The following SOX6 variants were observed in gnomAD, a reference collection of about 807,000 sequenced individuals.
SOX6 encodes the protein SRY-box transcription factor 6.
Under a neutral mutation model 97.8 loss-of-function variants are expected in SOX6, and 11 were observed. The ratio of observed to expected loss-of-function variants is 0.11; its 90% CI spans 0.07 to 0.19. SOX6 has a LOEUF of 0.19. Among genes scored for constraint, SOX6 ranks in the 10% least tolerant of loss-of-function variants. The probability of loss-of-function intolerance (pLI) is 1.00; values close to 1 mark genes in which losing one functional copy is unlikely to be tolerated. For missense variants in SOX6, 810 were observed against 1,039.5 expected (o/e 0.78, Z 3.04); for synonymous variants, 360 against 371.4 (o/e 0.97, Z 0.35).
chr11:16,193,074 A>G (rs1851672413), intron 4 of SOX6, among the ~76,000 whole-genome samples: 1 of 152,258 alleles, frequency 6.6e-6, no homozygotes, highest in South Asian at 2.1e-4. Context: ...TGTGATGACA[A>G]CTAAGTTTTT....
At chr11:16,552,851 A>G (rs1847704577) in intron 4 of SOX6, among the ~76,000 whole-genome samples, 1 of 152,202 alleles carries the variant, frequency 6.6e-6, no homozygotes, top group African/African-American at 2.4e-5. Context: ...AGTAAGTTTG[A>G]TTTGGTAAAT....
chr11:16,397,561 T>C (rs1858396756), intron 1 of SOX6: 1 of 152,012 alleles, frequency 6.6e-6, no homozygotes, highest in Non-Finnish European at 1.5e-5. Context: ...GGATTAATAA[T>C]CAACTTTCTA....
intron 4 of SOX6, among the ~76,000 whole-genome samples, chr11:16,597,546 T>C (rs2133975802): frequency 6.6e-6 from 1 of 152,060 alleles, no homozygotes; most frequent in East Asian, 1.9e-4. Context: ...AGTTTAATTT[T>C]GGTCTTCACA....
At chr11:16,484,863 T>A (rs1204591721) in intron 4 of SOX6, among the ~76,000 whole-genome samples, 2 of 152,210 alleles carry the variant, frequency 1.3e-5, no homozygotes, top group Admixed American at 1.3e-4. Flanking sequence ...TAGCTGATTA[T>A]ACAATCACCT....
chr11:15,990,317 A>G (rs1854008755), intron 13 of SOX6, among the ~76,000 whole-genome samples: 1 of 152,024 alleles, frequency 6.6e-6, no homozygotes, highest in South Asian at 2.1e-4. Flanking sequence ...ATAGACTAAG[A>G]GGCATTTATT....
At chr11:16,212,482 G>A (rs1457748195) in intron 4 of SOX6, among the ~76,000 whole-genome samples, 4 of 151,104 alleles carry the variant, frequency 2.6e-5, no homozygotes, top group Admixed American at 6.6e-5. Context: ...AAATTCACAC[G>A]TTGATATGCA....
chr11:16,712,387 T>C (rs1287764629), intron 3 of SOX6, among the ~76,000 whole-genome samples: 1 of 152,208 alleles, frequency 6.6e-6, no homozygotes, highest in Non-Finnish European at 1.5e-5. Context: ...GTGTTCCCTG[T>C]TCGCCACATC....
intron 4 of SOX6, among the ~76,000 whole-genome samples, chr11:16,498,009 T>C (rs962636594): frequency 9.2e-5 from 14 of 152,068 alleles, no homozygotes; most frequent in Non-Finnish European, 1.9e-4. Flanking sequence ...CCAAGACACA[T>C]AACTGTCAGA....
upstream of SOX6, among the ~76,000 whole-genome samples, chr11:16,479,824 T>C (rs1157455943): frequency 1.3e-5 from 2 of 152,094 alleles, no homozygotes; most frequent in Non-Finnish European, 2.9e-5. Flanking sequence ...ACTTTTACTG[T>C]CTATATCCTT....
chr11:16,092,552 T>A (rs753718262), intron 9 of SOX6, among the ~76,000 whole-genome samples: 49 of 152,026 alleles, frequency 3.2e-4, no homozygotes, highest in Non-Finnish European at 5.0e-4. Context: ...ACAAAATAAA[T>A]GGATTAAAAT....
intron 12 of SOX6, among the ~76,000 whole-genome samples, chr11:16,035,499 C>G (rs183714152): frequency 6.6e-6 from 1 of 152,110 alleles, no homozygotes; most frequent in African/African-American, 2.4e-5. Flanking sequence ...AAAACTGCCA[C>G]GAGCAAAGAA....
chr11:16,370,575 T>G (rs1315581211), intron 1 of SOX6, among the ~76,000 whole-genome samples: 1 of 152,088 alleles, frequency 6.6e-6, no homozygotes, highest in Non-Finnish European at 1.5e-5. Flanking sequence ...AGAGTTTATC[T>G]CCAACCCACT....
chr11:16,502,063 T>A (rs1192725423), intron 4 of SOX6, among the ~76,000 whole-genome samples: 2 of 152,220 alleles, frequency 1.3e-5, no homozygotes, highest in East Asian at 3.9e-4. Flanking sequence ...GAACCAAGCC[T>A]AATGTCCAAC....
intron 3 of SOX6, among the ~76,000 whole-genome samples, chr11:16,692,058 T>C (rs1337297469): frequency 8.4e-6 from 1 of 119,698 alleles, no homozygotes; most frequent in Non-Finnish European, 1.9e-5. Context: ...TGCGTGTGCG[T>C]GTGTGTGTGT....
chr11:16,076,735 AT>A (rs1156737950), intron 9 of SOX6, among the ~76,000 whole-genome samples: 1,475 of 94,050 alleles, frequency 0.016, 2 homozygotes, highest in African/African-American at 0.05. Context: ...GGTACTACAC[AT>A]TTTTTTTTTT....
At chr11:16,272,298 C>CA (rs1274764119) in intron 3 of SOX6, among the ~76,000 whole-genome samples, 1 of 150,926 alleles carries the variant, frequency 6.6e-6, no homozygotes, top group Non-Finnish European at 1.5e-5. Flanking sequence ...ACACAGAAAC[C>CA]AAAAAAAGGG....
chr11:16,266,995 A>G (rs922707737), intron 3 of SOX6, among the ~76,000 whole-genome samples: 1 of 3,394 alleles, frequency 2.9e-4, no homozygotes, highest in Non-Finnish European at 6.5e-4. Context: ...CCCGTATGTA[A>G]AAGAATGAAA....
chr11:16,055,666 G>A, intron 10 of SOX6, 86 bp downstream of exon 10: 1 of 1,549,638 alleles, frequency 6.5e-7, no homozygotes, highest in Admixed American at 1.7e-5. Flanking sequence ...GTTTCCTGCT[G>A]TTTATGCCCA....
chr11:16,024,789 T>G (rs1855169485), intron 12 of SOX6, among the ~76,000 whole-genome samples: 1 of 152,090 alleles, frequency 6.6e-6, no homozygotes, highest in Non-Finnish European at 1.5e-5. Context: ...AATGAACTAA[T>G]GTCTGCAGAG....
Sources: gnomAD v4.1 joint callset for allele counts (sites outside exome capture counted in the v4.1 genomes callset) on GRCh38, gnomAD v4.1.1 for gene constraint, MANE v1.5 for transcripts, NCBI Gene and HGNC (gene_info 2026-07-23, HGNC 2026-07-21) for gene names.